ASH1L: variants seen among roughly 807,000 people sequenced by gnomAD.
The protein encoded by ASH1L is ASH1 like histone lysine methyltransferase.
Under a neutral mutation model 269.0 loss-of-function variants are expected in ASH1L, and 23 were observed. That is an observed-to-expected ratio of 0.09 (90% CI 0.06 to 0.12). The LOEUF (loss-of-function observed/expected upper bound fraction) is 0.12, where lower values mean the gene tolerates loss of function less well. Ranked by LOEUF, ASH1L falls within the 10% of genes least tolerant of loss-of-function variation. The pLI is 1.00. For synonymous variants in ASH1L, 1,187 were observed against 1,253.5 expected (o/e 0.95, Z 1.12); for missense variants, 2,912 against 3,567.8 (o/e 0.82, Z 4.68).
chr1:155,390,236 T>C (rs1558056414), intron 7 of ASH1L, among the ~76,000 whole-genome samples: 1 of 152,166 alleles, frequency 6.6e-6, no homozygotes, highest in Non-Finnish European at 1.5e-5. Flanking sequence ...TGCCAGTATC[T>C]TTAATAATTT....
rs549353011 is a variant in ASH1L, at chr1:155,486,855, T to A, written c.421-4406A>T. On this transcript the variant is annotated intron_variant, in intron 2 of 27. Coordinates refer to ENST00000392403, the MANE Select transcript of ASH1L (RefSeq NM_018489.3). ...ACACGCAATACCATGTATTACAGTT[T>A]AAAAAAAAAAAAAGAAAAAAAAAGC... Among the ~76,000 whole-genome samples, 1,087 of 140,632 alleles carry A rather than the reference T, an allele frequency of 7.7e-3. 14 individuals are homozygous for A. Among genetic ancestry groups the A allele is most frequent in the African/African-American group, 0.027 (1,024 of 38,460 alleles). The allele number at this position is 140,632 out of a possible 152,430, so 92.3% of individuals were successfully genotyped here. A position where few individuals can be genotyped will look rare whatever the true frequency, so the allele number is the denominator to read the frequency against.
intron 5 of ASH1L, chr1:155,433,944 CCACACTGCAGCAGATCAGCCACATCG>C (rs1178409401): frequency 3.8e-6 from 6 of 1,581,672 alleles, no homozygotes; most frequent in Non-Finnish European, 5.2e-6. Context: ...TGCCCGAAAC[CCACACTGCAGCAGATCAGCCACATCG>C]CCCAGCAGCT....
rs1558010012 is a variant in ASH1L, at chr1:155,339,319, G to A, written c.8501+9C>T. ...CCTTAGGATCCTCATATCCCCCCAT[G>A]GGACTTACCGTCCTCCATTCCTCTT... On this transcript the variant is annotated intron_variant, in intron 26 of 27. Transcript: ENST00000392403. 1 of 1,612,728 alleles carries A rather than the reference G, an allele frequency of 6.2e-7. No homozygotes were observed. Among genetic ancestry groups the A allele is most frequent in the Non-Finnish European group, 8.5e-7 (1 of 1,178,792 alleles).
chr1:155,360,221 T>A, intron 13 of ASH1L, 80 bp downstream of exon 13: 1 of 974,908 alleles, frequency 1.0e-6, no homozygotes, highest in Non-Finnish European at 1.6e-6. Flanking sequence ...TCCAAGTCAA[T>A]CATGTTTACA....
chr1:155,519,566 G>A (rs1411800842), intron 2 of ASH1L, among the ~76,000 whole-genome samples: 1 of 152,226 alleles, frequency 6.6e-6, no homozygotes. Context: ...TCTGGTAAAT[G>A]AAATAAGCCA....
At chr1:155,367,910 C>T (rs1301703843) in intron 12 of ASH1L, among the ~76,000 whole-genome samples, 1 of 152,040 alleles carries the variant, frequency 6.6e-6, no homozygotes, top group Non-Finnish European at 1.5e-5. Flanking sequence ...ACACACTGGC[C>T]TATATTTTTT....
Position 155,436,415 on chromosome 1 carries a change from T to C in ASH1L, c.5828+1912A>G, listed in dbSNP as rs1571211822. Among the ~76,000 whole-genome samples the C allele has an allele frequency of 2.6e-5, 4 of 150,954 alleles. No homozygotes were observed. The South Asian group carries it at 8.4e-4, about 32-fold the overall frequency. ...CATGTTGATCAGGCCGGTCTCGAAC[T>C]CCTGACCCTCAGGTGATCCAGCTGC... On this transcript the variant is annotated intron_variant, in intron 5 of 27. Coordinates refer to ENST00000392403, the MANE Select transcript of ASH1L (RefSeq NM_018489.3).
chr1:155,372,925 A>G (rs1356479572), intron 10 of ASH1L, among the ~76,000 whole-genome samples: 3 of 152,098 alleles, frequency 2.0e-5, no homozygotes, highest in Admixed American at 1.3e-4. Flanking sequence ...ACAAGTTAAA[A>G]ATTCTAGATG....
At chr1:155,501,694 C>T (rs906083386) in intron 2 of ASH1L, among the ~76,000 whole-genome samples, 1 of 152,110 alleles carries the variant, frequency 6.6e-6, no homozygotes, top group African/African-American at 2.4e-5. Flanking sequence ...GACAGAGTCT[C>T]GCTCTGTCAC....
At chr1:155,548,042 C>T (rs984984958) in intron 1 of ASH1L, among the ~76,000 whole-genome samples, 1 of 152,124 alleles carries the variant, frequency 6.6e-6, no homozygotes, top group Non-Finnish European at 1.5e-5. Flanking sequence ...TGGAAGCCAT[C>T]ATCCTCAGCA....
intron 1 of ASH1L, among the ~76,000 whole-genome samples, chr1:155,547,684 T>C (rs1401158828): frequency 6.6e-6 from 1 of 151,684 alleles, no homozygotes; most frequent in Non-Finnish European, 1.5e-5. Flanking sequence ...GATCATGATG[T>C]TGCACTCCAG....
chr1:155,533,963 A>G (rs1669868527), intron 1 of ASH1L, among the ~76,000 whole-genome samples: 1 of 152,062 alleles, frequency 6.6e-6, no homozygotes, highest in South Asian at 2.1e-4. Flanking sequence ...TGTGACACAC[A>G]CTGTAGATAC....
chr1:155,545,058 G>C (rs577516825), intron 1 of ASH1L, among the ~76,000 whole-genome samples: 4 of 151,248 alleles, frequency 2.6e-5, no homozygotes, highest in South Asian at 4.2e-4. Context: ...TGTAATCCCA[G>C]CTACTCGGGA....
At chr1:155,453,441 AATTCTC>A (rs1663642375) in intron 4 of ASH1L, among the ~76,000 whole-genome samples, 1 of 152,156 alleles carries the variant, frequency 6.6e-6, no homozygotes, top group African/African-American at 2.4e-5. Flanking sequence ...TATATGACCT[AATTCTC>A]ATTCCATACC....
chr1:155,341,497 G>A (rs993216494), intron 25 of ASH1L, among the ~76,000 whole-genome samples: 8 of 151,472 alleles, frequency 5.3e-5, no homozygotes, highest in Admixed American at 4.0e-4. Flanking sequence ...TATAATGATC[G>A]TGTCTTCCAT....
At chr1:155,341,861 G>A in intron 25 of ASH1L, 75 bp downstream of exon 25, 1 of 1,491,270 alleles carries the variant, frequency 6.7e-7, no homozygotes, top group Non-Finnish European at 9.3e-7. Flanking sequence ...ACTACGTGAA[G>A]ATTTTCGCTC....
At chr1:155,556,873 G>A (rs905833336) in intron 1 of ASH1L, among the ~76,000 whole-genome samples, 8 of 152,020 alleles carry the variant, frequency 5.3e-5, no homozygotes, top group African/African-American at 4.8e-5. Context: ...AGACTCCATC[G>A]CTACAAAAAA....
rs757708338 is a variant in ASH1L at position 155,338,111 on chromosome 1, A to C, written c.8781T>G (p.Leu2927=). Residue 2927 remains leucine, a synonymous_variant, in exon 27 of 28, where the codon CTT becomes CTG. Transcript: ENST00000392403. Reference sequence around the variant, plus strand: ...TACCATTTTTTCCAGGGATTTTTTCAAGGAGATTGAGCAAGATCTGGTTGA... The same window carrying C: ...TACCATTTTTTCCAGGGATTTTTTCCAGGAGATTGAGCAAGATCTGGTTGA... The part of the protein sequence containing the change: ...ERLNQILLNL[L]EKIPGKNAID... The C allele has an allele frequency of 1.2e-6, 2 of 1,612,810 alleles. No homozygotes were observed. Among genetic ancestry groups the C allele is most frequent in the South Asian group, 1.1e-5 (1 of 90,986 alleles).
chr1:155,445,619 C>T (rs1048948719), intron 4 of ASH1L, among the ~76,000 whole-genome samples: 1 of 152,154 alleles, frequency 6.6e-6, no homozygotes, highest in Non-Finnish European at 1.5e-5. Flanking sequence ...TGAGCCACCA[C>T]GGCTGGCCTC....
Sources: allele counts gnomAD v4.1 joint callset (sites outside exome capture counted in the v4.1 genomes callset), GRCh38; gene constraint gnomAD v4.1.1; transcripts MANE v1.5; gene names NCBI Gene and HGNC (gene_info 2026-07-23, HGNC 2026-07-21).